Variants in AFG2A observed in about 807,000 individuals in gnomAD.
The protein encoded by AFG2A is ATPase family gene 2 protein homolog A.
At chr4:123,280,304 T>A in the AFG2A span, among the ~76,000 whole-genome samples, 1 of 152,210 alleles carries the variant, frequency 6.6e-6, no homozygotes, top group African/African-American at 2.4e-5. Context: ...ATTGGTGTTA[T>A]TCTACCACTA....
At chr4:123,310,580 A>C in the AFG2A span, among the ~76,000 whole-genome samples, 1 of 151,906 alleles carries the variant, frequency 6.6e-6, no homozygotes, top group Non-Finnish European at 1.5e-5. Flanking sequence ...ACCATGGTAC[A>C]CACGGCATTT....
At chr4:123,124,349 A>C in the AFG2A span, among the ~76,000 whole-genome samples, 1 of 152,150 alleles carries the variant, frequency 6.6e-6, no homozygotes, top group Non-Finnish European at 1.5e-5. Context: ...GGACATGGAT[A>C]AAACTGGAAA....
chr4:123,151,061 G>A, the AFG2A span, among the ~76,000 whole-genome samples: 2 of 152,142 alleles, frequency 1.3e-5, no homozygotes, highest in Non-Finnish European at 2.9e-5. Context: ...AAACTGGCTA[G>A]CTATATGCAG....
the AFG2A span, among the ~76,000 whole-genome samples, chr4:123,077,027 AT>A: frequency 3.0e-5 from 4 of 134,090 alleles, no homozygotes; most frequent in African/African-American, 5.6e-5. Context: ...TGTAAGTGAA[AT>A]TTTTTTTTCC....
the AFG2A span, among the ~76,000 whole-genome samples, chr4:123,139,650 A>G: frequency 2.0e-5 from 3 of 152,076 alleles, no homozygotes; most frequent in Non-Finnish European, 2.9e-5. Context: ...TTGATAAAGC[A>G]ATACCTGGAT....
At chr4:123,311,638 AAAAAAAAAAAAAAAAAAAG>A in the AFG2A span, among the ~76,000 whole-genome samples, 464 of 21,974 alleles carry the variant, frequency 0.021, 5 homozygotes, top group African/African-American at 0.03. Flanking sequence ...AAAAAAAAAA[AAAAAAAAAAAAAAAAAAAG>A]AGAGAGAAAA....
chr4:123,221,644 G>A, the AFG2A span, among the ~76,000 whole-genome samples: 11 of 151,958 alleles, frequency 7.2e-5, no homozygotes, highest in Non-Finnish European at 1.5e-4. Flanking sequence ...TGTAAAAATG[G>A]CCAGGCACAG....
chr4:122,998,224 TC>T, the AFG2A span, among the ~76,000 whole-genome samples: 1 of 152,290 alleles, frequency 6.6e-6, no homozygotes, highest in African/African-American at 2.4e-5. Context: ...TGTTGTCAAA[TC>T]CAAGGGCTTT....
chr4:123,279,762 C>A, the AFG2A span, among the ~76,000 whole-genome samples: 1 of 152,028 alleles, frequency 6.6e-6, no homozygotes, highest in Admixed American at 6.6e-5. Flanking sequence ...CTGAAGGGTT[C>A]AAGAAATGAG....
chr4:123,146,778 G>A, the AFG2A span, among the ~76,000 whole-genome samples: 2 of 98,130 alleles, frequency 2.0e-5, no homozygotes. Flanking sequence ...AGGGGTGGAT[G>A]CCAAACCTCT....
chr4:123,025,156 C>A, the AFG2A span, among the ~76,000 whole-genome samples: 2 of 152,250 alleles, frequency 1.3e-5, no homozygotes, highest in African/African-American at 4.8e-5. Flanking sequence ...GGTCTGTTAC[C>A]GCTGTTAACA....
the AFG2A span, chr4:123,260,152 T>G: frequency 3.3e-5 from 5 of 152,192 alleles, no homozygotes; most frequent in African/African-American, 1.2e-4. Flanking sequence ...AAACACCTTC[T>G]TTTCTTTAAA....
chr4:123,152,303 A>G, the AFG2A span, among the ~76,000 whole-genome samples: 2 of 152,180 alleles, frequency 1.3e-5, no homozygotes, highest in East Asian at 1.9e-4. Context: ...AAGTATAATA[A>G]TAAGAAAAGA....
chr4:122,950,383 AGACTGGAGCGCAATG>A, the AFG2A span, among the ~76,000 whole-genome samples: 1 of 145,336 alleles, frequency 6.9e-6, no homozygotes, highest in East Asian at 2.0e-4. Context: ...CTTGTTGCCC[AGACTGGAGCGCAATG>A]GCGCGATCTC....
At chr4:123,177,382 G>A in the AFG2A span, among the ~76,000 whole-genome samples, 4 of 151,810 alleles carry the variant, frequency 2.6e-5, no homozygotes, top group African/African-American at 9.7e-5. Context: ...TAGTAGAGAC[G>A]GGGTTTCACC....
chr4:123,033,885 T>C, the AFG2A span, among the ~76,000 whole-genome samples: 1 of 152,084 alleles, frequency 6.6e-6, no homozygotes, highest in Non-Finnish European at 1.5e-5. Flanking sequence ...AAAAAGTTTT[T>C]GGGGGGCATA....
chr4:122,940,773 G>GT, the AFG2A span, among the ~76,000 whole-genome samples: 1 of 151,264 alleles, frequency 6.6e-6, no homozygotes, highest in Non-Finnish European at 1.5e-5. Context: ...TAGGTCTAAC[G>GT]TTTAAGTCTT....
At chr4:123,205,628 C>A in the AFG2A span, among the ~76,000 whole-genome samples, 2 of 151,950 alleles carry the variant, frequency 1.3e-5, no homozygotes, top group Non-Finnish European at 2.9e-5. Context: ...ATAACTACAC[C>A]ATTTTATATA....
the AFG2A span, among the ~76,000 whole-genome samples, chr4:123,142,053 T>C: frequency 5.7e-4 from 87 of 152,306 alleles, no homozygotes; most frequent in Middle Eastern, 6.8e-3. Flanking sequence ...TTTAATGTTA[T>C]ATAGACACAA....
Sources: gnomAD v4.1 joint callset for allele counts (sites outside exome capture counted in the v4.1 genomes callset) on GRCh38, gnomAD v4.1.1 for gene constraint, MANE v1.5 for transcripts, NCBI Gene and HGNC (gene_info 2026-07-23, HGNC 2026-07-21) for gene names.